ACVR2B: variants seen among roughly 807,000 people sequenced by gnomAD.
ACVR2B encodes the protein activin receptor type-2B.
ACVR2B carries 18 observed loss-of-function variants against 65.1 expected under a neutral mutation model. That is an observed-to-expected ratio of 0.28 (90% CI 0.19 to 0.41). The LOEUF is 0.41. ACVR2B is among the 10% of genes least tolerant of loss of function. ACVR2B has a pLI of 1.00. For synonymous variants in ACVR2B, 298 were observed against 277.7 expected, an observed-to-expected ratio of 1.07 and a Z score of -0.73; for missense variants, 482 against 682.7, an observed-to-expected ratio of 0.71 and a Z score of 3.28.
In ACVR2B at chr3:38,484,261, A is replaced by G. The variant is rs1710075253; in HGVS notation, c.*929A>G. The G allele has an allele frequency of 1.3e-5, 2 of 152,288 alleles. No individual in the cohort carries two copies. Among genetic ancestry groups the G allele is most frequent in the African/African-American group, 4.8e-5 (2 of 41,460 alleles). 9.4% of individuals were successfully genotyped at this position (152,288 alleles called of 1,614,324 possible). On this transcript the variant is annotated 3_prime_UTR_variant, in exon 11 of 11. Coordinates refer to ENST00000352511, the MANE Select transcript of ACVR2B (RefSeq NM_001106.4). ...TTTAAAACTAGGTGAGGGTAGAATC[A>G]TCACAGGTTAGGAATACATTCTTCA...
intron 1 of ACVR2B, among the ~76,000 whole-genome samples, chr3:38,461,461 G>C (rs865786851): frequency 6.6e-6 from 1 of 152,124 alleles, no homozygotes; most frequent in Admixed American, 6.6e-5. Flanking sequence ...GGAGCAGAAG[G>C]GTTAGAGAGA....
In ACVR2B at chr3:38,454,165, C is replaced by T. The variant is rs371497039; in HGVS notation, c.-158C>T. 1 of 432,128 alleles carries T rather than the reference C, an allele frequency of 2.3e-6. No homozygotes were observed. The highest frequency in any genetic ancestry group is 3.3e-6 in the Non-Finnish European group (1 of 304,492). 26.8% of individuals were successfully genotyped at this position (432,128 alleles called of 1,614,324 possible). A position where few individuals can be genotyped will look rare whatever the true frequency, so the allele number is the denominator to read the frequency against. ...CGCCGACCGGCCCTTGGAGCCCGAA[C>T]GCTGCTCGGGGACGAAGGCGCAGGA... is the stretch of plus-strand genomic sequence containing the variant. On this transcript the variant is annotated 5_prime_UTR_variant, in exon 1 of 11. The change creates a new upstream start codon in the 5' untranslated region. Transcript: ENST00000352511.
At chr3:38,454,677 G>C (rs981178038) in intron 1 of ACVR2B, 1 of 276,578 alleles carries the variant, frequency 3.6e-6, no homozygotes, top group Non-Finnish European at 6.8e-6. Context: ...GTGGAACCCA[G>C]GGAAAGAGTG....
At position 38,477,253 on chromosome 3, in the gene ACVR2B, C is replaced by T. The variant is rs1033258499; in HGVS notation, c.53-34C>T. ...GGGGTTTGGGTGGTGGTCCCAGGGG[C>T]ATGCTCAGTGGTTCTCTTTTCTCTG... On this transcript the variant is annotated intron_variant, in intron 1 of 10. Coordinates refer to ENST00000352511, the MANE Select transcript of ACVR2B (RefSeq NM_001106.4). This position sits in a 1 kb window ranked among gnomAD's most constrained non-coding sequence, Gnocchi z 6.7. The T allele has an allele frequency of 2.5e-6, 4 of 1,611,236 alleles. No individual in the cohort carries two copies. The highest frequency in any genetic ancestry group is 2.2e-5 in the East Asian group (1 of 44,840).
chr3:38,479,924 A>G (rs1709988036), intron 7 of ACVR2B, 98 bp downstream of exon 7: 12 of 1,458,764 alleles, frequency 8.2e-6, no homozygotes, highest in Non-Finnish European at 9.3e-6. Context: ...AACTTCCTAA[A>G]CATACTTACC....
At chr3:38,470,843 G>C (rs1252176180) in intron 1 of ACVR2B, among the ~76,000 whole-genome samples, 1 of 152,098 alleles carries the variant, frequency 6.6e-6, no homozygotes, top group Non-Finnish European at 1.5e-5. Context: ...GGAATGAGAT[G>C]TATAACTTTA....
rs368287224 is a variant in ACVR2B, at chr3:38,467,231, T to A, written c.53-10056T>A. Among the ~76,000 whole-genome samples, 12 of 152,228 alleles carry A rather than the reference T, an allele frequency of 7.9e-5. No homozygotes were observed. In the East Asian group the frequency reaches 1.7e-3, roughly 22 times the overall value. ...GGGAGGCTGAGGTGGGCGGATAACC[T>A]GAGGTGGGTTGTTCAAGACCAGCCT... On this transcript the variant is annotated intron_variant, in intron 1 of 10. Coordinates refer to ENST00000352511, the MANE Select transcript of ACVR2B (RefSeq NM_001106.4).
At chr3:38,471,295 CAAG>C (rs1442381423) in intron 1 of ACVR2B, among the ~76,000 whole-genome samples, 1 of 152,096 alleles carries the variant, frequency 6.6e-6, no homozygotes, top group East Asian at 1.9e-4. Flanking sequence ...TTAGTAATCA[CAAG>C]AAGATGATCA....
chr3:38,454,172 C>T lies in ACVR2B; in HGVS notation c.-151C>T, dbSNP rs1339635763. On this transcript the variant is annotated 5_prime_UTR_variant, in exon 1 of 11. Transcript: ENST00000352511. Reference sequence around the variant, plus strand: ...CGGCCCTTGGAGCCCGAACGCTGCTCGGGGACGAAGGCGCAGGAAGCGCGC... The same window carrying T: ...CGGCCCTTGGAGCCCGAACGCTGCTTGGGGACGAAGGCGCAGGAAGCGCGC... 3 of 479,384 alleles carry T rather than the reference C, an allele frequency of 6.3e-6. No homozygotes were observed. The highest frequency in any genetic ancestry group is 8.7e-6 in the Non-Finnish European group (3 of 344,636). The allele number at this position is 479,384 out of a possible 1,614,324, so 29.7% of individuals were successfully genotyped here.
intron 1 of ACVR2B, among the ~76,000 whole-genome samples, chr3:38,458,476 TA>T (rs1709586933): frequency 6.6e-6 from 1 of 152,226 alleles, no homozygotes; most frequent in African/African-American, 2.4e-5. Context: ...GTAGTAGTCT[TA>T]AGGGGCAGCT....
rs1710012326 is a variant in ACVR2B at position 38,481,246 on chromosome 3, C to G, written c.960-105C>G. 1.0e-6 allele frequency: 1 copy of G among 981,540 alleles called. No homozygotes were observed. Among genetic ancestry groups the G allele is most frequent in the Non-Finnish European group, 1.6e-6 (1 of 611,220 alleles). The allele number at this position is 981,540 out of a possible 1,614,324, so 60.8% of individuals were successfully genotyped here. A position where few individuals can be genotyped will look rare whatever the true frequency, so the allele number is the denominator to read the frequency against. ...TGCACCCCAGGTAGGGTGGGATGGC[C>G]TGGTCTGGGGCCTGACTCTAGGGCA... On this transcript the variant is annotated intron_variant, in intron 7 of 10. Transcript: ENST00000352511. This position sits in a 1 kb window ranked among gnomAD's most constrained non-coding sequence, Gnocchi z 4.7.
At chr3:38,458,037 C>G (rs561795225) in intron 1 of ACVR2B, among the ~76,000 whole-genome samples, 10 of 152,194 alleles carry the variant, frequency 6.6e-5, no homozygotes, top group Admixed American at 2.0e-4. Context: ...TCTTAGGGGC[C>G]CTTTCAAGGC....
chr3:38,482,610 C>T (rs757530532), intron 10 of ACVR2B, 50 bp downstream of exon 10: 35 of 1,595,316 alleles, frequency 2.2e-5, no homozygotes, highest in Non-Finnish European at 2.7e-5. Flanking sequence ...GAAGGGAAAA[C>T]CCTTCATGTG....
chr3:38,475,161 T>C, intron 1 of ACVR2B: 1 of 152,400 alleles, frequency 6.6e-6, no homozygotes, highest in Non-Finnish European at 1.5e-5. Flanking sequence ...ACAATGTAGG[T>C]GCAAGCCTCA....
chr3:38,476,784 TCTGGATTGGGC>T (rs1419821515), intron 1 of ACVR2B: 2 of 203,612 alleles, frequency 9.8e-6, no homozygotes, highest in Non-Finnish European at 2.0e-5. Context: ...TTGGGATGGG[TCTGGATTGGGC>T]CTGGAAATAC....
At position 38,477,889 on chromosome 3, in the gene ACVR2B, C is replaced by T; in HGVS notation, c.289C>T (p.Pro97Ser). Reference sequence around the variant, plus strand: ...GGAGTGTGTGGCCACTGAGGAGAACCCCCAGGTGTACTTCTGCTGCTGTGA... The same window carrying T: ...GGAGTGTGTGGCCACTGAGGAGAACTCCCAGGTGTACTTCTGCTGCTGTGA... Reference protein sequence around the residue: ...RQECVATEENPQVYFCCCEGN... With the variant: ...RQECVATEENSQVYFCCCEGN... The change falls in exon 3 of 11, where the codon CCC (proline) becomes TCC (serine). Residue 97 changes from proline (P) to serine (S), a missense_variant. By Grantham distance (74) the Pro-to-Ser change is moderately conservative. Around this residue, in one of 5 missense-constraint regions of ACVR2B, gnomAD observed 85 missense variants for 137.3 expected, o/e 0.62. Coordinates refer to ENST00000352511, the MANE Select transcript of ACVR2B (RefSeq NM_001106.4). This position sits in a 1 kb window ranked among gnomAD's most constrained non-coding sequence, Gnocchi z 6.7. 6.2e-7 allele frequency: 1 copy of T among 1,614,048 alleles called. No homozygotes were observed. The highest frequency in any genetic ancestry group is 1.1e-5 in the South Asian group (1 of 91,086).
chr3:38,479,511 C>G (rs1297269350), intron 6 of ACVR2B, among the ~76,000 whole-genome samples, 167 bp from the exon 7 acceptor site: 1 of 152,166 alleles, frequency 6.6e-6, no homozygotes, highest in Admixed American at 6.5e-5. Flanking sequence ...GATTCCCACC[C>G]CTAGCCCTCC....
In ACVR2B at chr3:38,484,312, T is replaced by G. The variant is rs1158535412; in HGVS notation, c.*980T>G. On this transcript the variant is annotated 3_prime_UTR_variant, in exon 11 of 11. Transcript: ENST00000352511. ...TAAGACACGATGCTGTAAATACCCTTAATGGACGAAAAGTTGAAATACTTT... is the reference window on the plus strand; with the variant it reads ...TAAGACACGATGCTGTAAATACCCTGAATGGACGAAAAGTTGAAATACTTT... The G allele has an allele frequency of 6.6e-6, 1 of 152,206 alleles. No individual in the cohort carries two copies. Among genetic ancestry groups the G allele is most frequent in the Non-Finnish European group, 1.5e-5 (1 of 68,032 alleles). The allele number at this position is 152,206 out of a possible 1,614,324, so 9.4% of individuals were successfully genotyped here.
chr3:38,472,591 G>C (rs946322495), intron 1 of ACVR2B, among the ~76,000 whole-genome samples: 1 of 152,074 alleles, frequency 6.6e-6, no homozygotes, highest in Non-Finnish European at 1.5e-5. Context: ...CACAAGGGTG[G>C]GGCTGGGCAC....
Sources: gnomAD v4.1 joint callset for allele counts (sites outside exome capture counted in the v4.1 genomes callset) on GRCh38, gnomAD v4.1.1 for gene constraint, gnomAD v4.1.1 regional missense constraint, Gnocchi (gnomAD v3.1) non-coding constraint, MANE v1.5 for transcripts, NCBI Gene and HGNC (gene_info 2026-07-23, HGNC 2026-07-21) for gene names.